The following ASIC2 variants were observed in gnomAD, a reference collection of about 807,000 sequenced individuals.
ASIC2 encodes the protein acid sensing ion channel subunit 2.
ASIC2 carries 25 observed loss-of-function variants against 57.3 expected under a neutral mutation model. That is an observed-to-expected ratio of 0.44 (90% CI 0.32 to 0.61). The LOEUF is 0.61. Ranked by LOEUF, ASIC2 falls within the 20% of genes least tolerant of loss-of-function variation. ASIC2 has a pLI of 0.06. For synonymous variants in ASIC2, 319 were observed against 307.5 expected (o/e 1.04, Z -0.39); for missense variants, 641 against 738.1 (o/e 0.87, Z 1.52).
chr17:33,314,876 T>C (rs1448466513), intron 1 of ASIC2, among the ~76,000 whole-genome samples: 1 of 152,186 alleles, frequency 6.6e-6, no homozygotes, highest in Admixed American at 6.5e-5. Context: ...TTTCTTCTTC[T>C]TCTTTTAATT....
At chr17:33,547,274 A>G (rs376354697) in intron 1 of ASIC2, among the ~76,000 whole-genome samples, 2 of 152,268 alleles carry the variant, frequency 1.3e-5, no homozygotes, top group African/African-American at 2.4e-5. Flanking sequence ...GGGTCGGTCA[A>G]TTGGGTATAT....
rs376403224 is a variant in ASIC2 at position 33,448,609 on chromosome 17, G to T, written c.556-336542C>A. On this transcript the variant is annotated intron_variant, in intron 1 of 9. Coordinates refer to the ASIC2 transcript ENST00000359872. ...GCTGCCAGAAGTTGGAAGAAGCAAA[G>T]AATGTATTTTTCCCTATAGCCCCTG... Among the ~76,000 whole-genome samples the T allele has an allele frequency of 6.6e-5, 10 of 152,320 alleles. No individual in the cohort carries two copies. The East Asian group carries it at 7.7e-4, about 12-fold the overall frequency.
chr17:33,199,299 AAC>A lies in ASIC2; in HGVS notation c.709-87234_709-87233del, dbSNP rs1356914036. ...ATCCACAGCATGTCAAGGAAAGGAC[AAC>A]TGTGTCTGACGCGTGAGAAGCACTT... On this transcript the variant is annotated intron_variant, in intron 1 of 9. Transcript: ENST00000225823. Among the ~76,000 whole-genome samples, 3 of 152,222 alleles carry A rather than the reference AAC, an allele frequency of 2.0e-5. No homozygotes were observed. The East Asian group carries it at 5.8e-4, about 29-fold the overall frequency.
chr17:34,130,337 C>T (rs1191743207), intron 1 of ASIC2, among the ~76,000 whole-genome samples: 2 of 152,238 alleles, frequency 1.3e-5, no homozygotes, highest in Non-Finnish European at 1.5e-5. Context: ...TCAGATTCAA[C>T]TACTGCTTTC....
intron 1 of ASIC2, among the ~76,000 whole-genome samples, chr17:33,443,091 G>T (rs1448904326): frequency 1.3e-5 from 2 of 152,120 alleles, no homozygotes; most frequent in African/African-American, 4.8e-5. Context: ...AACCAATCTT[G>T]TATTGCTGGA....
chr17:34,038,451 T>A, intron 1 of ASIC2: 1 of 1,612,358 alleles, frequency 6.2e-7, no homozygotes, highest in Non-Finnish European at 8.5e-7. Context: ...CTCCAGTTTT[T>A]ATTTAACTGG....
chr17:33,416,813 C>T (rs373923941), intron 1 of ASIC2, among the ~76,000 whole-genome samples: 9 of 152,264 alleles, frequency 5.9e-5, no homozygotes, highest in East Asian at 3.9e-4. Flanking sequence ...AAATAGGTGG[C>T]GCTGCCAAGA....
rs377140844 is a variant in ASIC2, at chr17:33,649,231, T to A, written c.555+506747A>T. Reference sequence around the variant, plus strand: ...GCAAGGTTGCAAGACAAGATCAATATACAAAAATCAACTGTATTTCTATAT... The same window carrying A: ...GCAAGGTTGCAAGACAAGATCAATAAACAAAAATCAACTGTATTTCTATAT... On this transcript the variant is annotated intron_variant, in intron 1 of 9. Coordinates refer to the ASIC2 transcript ENST00000359872. Among the ~76,000 whole-genome samples the A allele has an allele frequency of 8.5e-5, 13 of 152,336 alleles. No individual in the cohort carries two copies. The East Asian group carries it at 2.3e-3, about 27-fold the overall frequency.
chr17:33,086,464 A>C (rs554836001), intron 3 of ASIC2, among the ~76,000 whole-genome samples: 1 of 152,334 alleles, frequency 6.6e-6, no homozygotes, highest in African/African-American at 2.4e-5. Flanking sequence ...CACAGAATTT[A>C]TACACATATT....
chr17:33,435,190 A>G (rs949975031), intron 1 of ASIC2, among the ~76,000 whole-genome samples: 2 of 152,196 alleles, frequency 1.3e-5, no homozygotes, highest in Admixed American at 6.5e-5. Flanking sequence ...CCTAGAAATA[A>G]TGACTGAACT....
intron 1 of ASIC2, among the ~76,000 whole-genome samples, chr17:34,061,028 C>T (rs1028806235): frequency 9.9e-5 from 15 of 152,134 alleles, no homozygotes; most frequent in South Asian, 4.1e-4. Flanking sequence ...AAAAGATCTT[C>T]GCCTAGGCAC....
chr17:34,041,678 CCT>C, intron 1 of ASIC2, among the ~76,000 whole-genome samples: 1 of 152,154 alleles, frequency 6.6e-6, no homozygotes, highest in East Asian at 1.9e-4. Flanking sequence ...GTTCTTCCCC[CCT>C]CTCAGTGGGG....
At position 33,380,544 on chromosome 17, in the gene ASIC2, C is replaced by T. The variant is rs563526398; in HGVS notation, c.556-268477G>A. On this transcript the variant is annotated intron_variant, in intron 1 of 9. Transcript: ENST00000359872. The stretch of plus-strand genomic sequence containing the variant: ...CAGCCCACGACAGAGACCCATCTGT[C>T]TCCAGATGTTTTACATCCAGAATCT... Among the ~76,000 whole-genome samples, 3 of 152,330 alleles carry T rather than the reference C, an allele frequency of 2.0e-5. No homozygotes were observed. In the South Asian group the frequency reaches 6.2e-4, roughly 32 times the overall value.
intron 1 of ASIC2, among the ~76,000 whole-genome samples, chr17:33,675,734 G>C (rs1356985850): frequency 2.0e-5 from 3 of 152,084 alleles, no homozygotes; most frequent in Non-Finnish European, 4.4e-5. Context: ...ACCACACCGG[G>C]CTAATTTTTG....
chr17:33,061,144 AC>A (rs2092018888), intron 3 of ASIC2, among the ~76,000 whole-genome samples: 2 of 152,094 alleles, frequency 1.3e-5, no homozygotes. Flanking sequence ...CTAATTGAAT[AC>A]CCTTTATTTC....
intron 1 of ASIC2, among the ~76,000 whole-genome samples, chr17:33,765,448 G>A (rs949706980): frequency 1.3e-5 from 2 of 152,132 alleles, no homozygotes; most frequent in African/African-American, 4.8e-5. Flanking sequence ...TCCCCTCTCA[G>A]GAATATCTGA....
chr17:33,620,219 G>A (rs1432670641), intron 1 of ASIC2, among the ~76,000 whole-genome samples: 1 of 146,754 alleles, frequency 6.8e-6, no homozygotes, highest in Non-Finnish European at 1.5e-5. Context: ...TGAGTAGAAT[G>A]GGATCCAAGC....
intron 1 of ASIC2, among the ~76,000 whole-genome samples, chr17:33,731,229 G>T (rs2142090842): frequency 6.6e-6 from 1 of 152,320 alleles, no homozygotes; most frequent in East Asian, 1.9e-4. Flanking sequence ...AAAACCACTT[G>T]TTGCTCCTTT....
intron 1 of ASIC2, among the ~76,000 whole-genome samples, chr17:33,899,069 A>T (rs1409289247): frequency 1.3e-5 from 2 of 151,348 alleles, no homozygotes; most frequent in Admixed American, 6.6e-5. Context: ...GAGAGCTTGC[A>T]GTGAGCTGAG....
Sources: gnomAD v4.1 joint callset for allele counts (sites outside exome capture counted in the v4.1 genomes callset) on GRCh38, gnomAD v4.1.1 for gene constraint, MANE v1.5 for transcripts, NCBI Gene and HGNC (gene_info 2026-07-23, HGNC 2026-07-21) for gene names.